CEP192: variants seen among roughly 807,000 people sequenced by gnomAD.
CEP192 encodes the protein centrosomal protein 192.
In CEP192, 151 loss-of-function variants were observed where a neutral mutation model predicts 271.8. The observed-to-expected ratio is 0.56, with a 90% CI of 0.49 to 0.64. CEP192 has a LOEUF of 0.64. CEP192 is among the 30% of genes least tolerant of loss of function. The pLI is 0.00. For synonymous variants in CEP192, 995 were observed against 1,076.5 expected (o/e 0.92, Z 1.48); for missense variants, 2,910 against 3,020.5 (o/e 0.96, Z 0.86).
intron 32 of CEP192, chr18:13,088,801 A>G (rs570444767): frequency 1.6e-5 from 5 of 306,858 alleles, no homozygotes; most frequent in East Asian, 8.5e-5. Flanking sequence ...GACTTGCTAC[A>G]TGATGTTAGA....
chr18:13,075,446 G>A (rs955836927), intron 30 of CEP192, among the ~76,000 whole-genome samples: 1 of 152,092 alleles, frequency 6.6e-6, no homozygotes, highest in East Asian at 1.9e-4. Context: ...CACACCTGTA[G>A]TCCCAGCTAC....
intron 30 of CEP192, among the ~76,000 whole-genome samples, chr18:13,082,203 G>A (rs1342110436): frequency 6.6e-6 from 1 of 152,040 alleles, no homozygotes; most frequent in African/African-American, 2.4e-5. Context: ...TTGACAGTGG[G>A]GTGTTAAAGT....
chr18:13,049,448 A>G lies in CEP192; in HGVS notation c.2657A>G (p.Asn886Ser). The G allele has an allele frequency of 6.2e-7, 1 of 1,614,176 alleles. No homozygotes were observed. The highest frequency in any genetic ancestry group is 8.5e-7 in the Non-Finnish European group (1 of 1,180,020). ...VVDVKTCSID[N>S]KLQDVGNDEK... ...GATGTGAAGACATGTTCCATTGACA[A>G]CAAATTACAAGATGTTGGTAACGAT... is the stretch of plus-strand genomic sequence containing the variant. Residue 886 changes from asparagine (N) to serine (S), a missense_variant, in exon 16 of 45, where the codon AAC becomes AGC. Asn to Ser is a conservative substitution (Grantham distance 46). Coordinates refer to ENST00000506447, the MANE Select transcript of CEP192 (RefSeq NM_032142.4).
At chr18:13,110,326 A>G (rs1421724995) in intron 40 of CEP192, among the ~76,000 whole-genome samples, 1 of 152,212 alleles carries the variant, frequency 6.6e-6, no homozygotes, top group African/African-American at 2.4e-5. Flanking sequence ...TTCAAAGCCT[A>G]CTACAAAGCC....
In CEP192 at chr18:13,030,340, G is replaced by T. The variant is rs368162038; in HGVS notation, c.1391-125G>T. On this transcript the variant is annotated intron_variant, in intron 10 of 44. Transcript: ENST00000506447. ...AAATGGGTTTTCCTTTTTCTAACTA[G>T]CTTTGGCAAACTTCAGTACTGTTGA... 3.9e-5 allele frequency: 32 copies of T among 810,274 alleles called. No individual in the cohort carries two copies. In the East Asian group the frequency reaches 6.1e-4, roughly 15 times the overall value. The allele number at this position is 810,274 out of a possible 1,614,324, so 50.2% of individuals were successfully genotyped here.
chr18:13,100,410 G>T lies in CEP192; in HGVS notation c.6769G>T (p.Val2257Phe). 1.2e-6 allele frequency: 2 copies of T among 1,613,916 alleles called. No individual in the cohort carries two copies. Among genetic ancestry groups the T allele is most frequent in the Non-Finnish European group, 1.7e-6 (2 of 1,179,836 alleles). The change falls in exon 38 of 45, where the codon GTT (valine) becomes TTT (phenylalanine). Residue 2257 changes from valine to phenylalanine, a missense_variant. Coordinates refer to ENST00000506447, the MANE Select transcript of CEP192 (RefSeq NM_032142.4). ...GILSPVSEPSVSHLVKPMTKP... is the reference protein window; with the variant it reads ...GILSPVSEPSFSHLVKPMTKP... ...TCTTTCCCCAGTATCTGAGCCTTCA[G>T]TTAGTCATTTGGTCAAACCAATGAC...
chr18:13,002,251 A>G (rs767078529), intron 3 of CEP192, among the ~76,000 whole-genome samples: 20 of 152,062 alleles, frequency 1.3e-4, no homozygotes, highest in Non-Finnish European at 2.6e-4. Context: ...TACTTCTAAT[A>G]TGAGGCTATA....
chr18:13,058,780 C>T (rs2037252133), intron 20 of CEP192: 1 of 365,896 alleles, frequency 2.7e-6, no homozygotes, highest in Non-Finnish European at 5.2e-6. Flanking sequence ...ACTTACAGGG[C>T]TGTGAAAGAG....
chr18:13,038,436 A>G lies in CEP192; in HGVS notation c.1666A>G (p.Asn556Asp). The change falls in exon 13 of 45, where the codon AAT becomes GAT. Residue 556 changes from asparagine (N) to aspartate (D), a missense_variant. Transcript: ENST00000506447. The stretch of plus-strand genomic sequence containing the variant: ...CGATACGTCCTGGGGAGCTACAATT[A>G]ATTACAGTCTGTTGAGGAAATCACG... ...LGDTSWGATI[N>D]YSLLRKSRST... The G allele has an allele frequency of 1.3e-6, 2 of 1,551,670 alleles. No homozygotes were observed.
intron 40 of CEP192, among the ~76,000 whole-genome samples, chr18:13,105,349 T>C (rs2039901907): frequency 6.6e-6 from 1 of 151,856 alleles, no homozygotes; most frequent in African/African-American, 2.4e-5. Flanking sequence ...GAGACGAGAG[T>C]TTTGTCTATC....
chr18:13,065,571 A>G (rs1568363003), intron 21 of CEP192, among the ~76,000 whole-genome samples: 1 of 152,222 alleles, frequency 6.6e-6, no homozygotes, highest in South Asian at 2.1e-4. Context: ...CATGTGTACA[A>G]TTGTGATTCT....
chr18:13,070,924 A>C, intron 27 of CEP192, 115 bp from the exon 28 acceptor site: 1 of 761,036 alleles, frequency 1.3e-6, no homozygotes, highest in Non-Finnish European at 2.2e-6. Context: ...AAGGGTGGGA[A>C]TATCATTGTA....
At chr18:13,027,277 A>G (rs543406563) in intron 9 of CEP192, among the ~76,000 whole-genome samples, 1 of 152,260 alleles carries the variant, frequency 6.6e-6, no homozygotes, top group South Asian at 2.1e-4. Context: ...GCCCTGTTAT[A>G]TTTCAAAATT....
intron 38 of CEP192, among the ~76,000 whole-genome samples, 180 bp downstream of exon 38, chr18:13,100,692 A>G (rs1568419694): frequency 6.6e-6 from 1 of 152,240 alleles, no homozygotes; most frequent in Non-Finnish European, 1.5e-5. Context: ...TAAAATGTGA[A>G]ATCTTGGCAT....
chr18:13,041,094 T>G (rs1030960744), intron 14 of CEP192, 138 bp downstream of exon 14: 1 of 658,978 alleles, frequency 1.5e-6, no homozygotes. Flanking sequence ...GGTTATAGAT[T>G]TGATTCATAT....
chr18:13,039,411 A>T (rs2036082422), intron 13 of CEP192, among the ~76,000 whole-genome samples: 1 of 151,210 alleles, frequency 6.6e-6, no homozygotes, highest in Admixed American at 6.6e-5. Context: ...AGCCGAGATC[A>T]CGCCACTGCA....
chr18:13,085,394 G>A (rs1182890926), intron 30 of CEP192, among the ~76,000 whole-genome samples: 1 of 152,010 alleles, frequency 6.6e-6, no homozygotes, highest in Non-Finnish European at 1.5e-5. Flanking sequence ...AAGCTCTTTA[G>A]TTTAATTAGA....
chr18:13,099,706 G>C (rs942832743), intron 37 of CEP192, 125 bp downstream of exon 37: 19 of 561,422 alleles, frequency 3.4e-5, no homozygotes, highest in Non-Finnish European at 5.4e-5. Context: ...CTTCATATTT[G>C]TGGGTTCCAC....
chr18:13,092,250 T>A, intron 33 of CEP192, 127 bp from the exon 34 acceptor site: 1 of 618,890 alleles, frequency 1.6e-6, no homozygotes, highest in Non-Finnish European at 2.6e-6. Context: ...ATACTGCTAA[T>A]CCAAATGTCA....
Sources: gnomAD v4.1 joint callset for allele counts (sites outside exome capture counted in the v4.1 genomes callset) on GRCh38, gnomAD v4.1.1 for gene constraint, MANE v1.5 for transcripts, NCBI Gene and HGNC (gene_info 2026-07-23, HGNC 2026-07-21) for gene names.